Variants in HDAC8 observed in about 807,000 individuals in gnomAD.
HDAC8 encodes the protein histone deacetylase-like 1.
HDAC8 carries 1 observed loss-of-function variant against 32.2 expected under a neutral mutation model. The ratio of observed to expected loss-of-function variants is 0.03; its 90% CI spans 0.01 to 0.15. The LOEUF (loss-of-function observed/expected upper bound fraction) is 0.15. HDAC8 is among the 10% of genes least tolerant of loss of function. HDAC8 has a pLI of 1.00. For missense variants in HDAC8, 117 were observed against 300.0 expected (o/e 0.39, Z 4.51); for synonymous variants, 108 against 113.9 (o/e 0.95, Z 0.33).
chrX:72,383,757 C>A (rs1408473188), intron 9 of HDAC8, among the ~76,000 whole-genome samples: 1 of 107,865 alleles, frequency 9.3e-6, no homozygotes, highest in Non-Finnish European at 1.9e-5. Context: ...GTAGTTCCAG[C>A]TAGTCGGGAG....
At chrX:72,397,879 C>T (rs1294155511) in intron 9 of HDAC8, among the ~76,000 whole-genome samples, 1 of 112,039 alleles carries the variant, frequency 8.9e-6, no homozygotes, top group African/African-American at 3.2e-5. Context: ...CCACAAATAT[C>T]TGTTGTTTCT....
At chrX:72,408,895 G>C in intron 9 of HDAC8, among the ~76,000 whole-genome samples, 1 of 111,622 alleles carries the variant, frequency 9.0e-6, no homozygotes, top group Non-Finnish European at 1.9e-5. Flanking sequence ...CTTAAGCCTG[G>C]TATTGAGGAG....
At chrX:72,363,293 T>A (rs148895632) in intron 9 of HDAC8, among the ~76,000 whole-genome samples, 22 of 112,045 alleles carry the variant, frequency 2.0e-4, no homozygotes, top group Non-Finnish European at 3.6e-4. Context: ...ACACGAAGGT[T>A]TTTTACATCA....
At chrX:72,388,327 T>C (rs1403468454) in intron 9 of HDAC8, among the ~76,000 whole-genome samples, 1 of 109,658 alleles carries the variant, frequency 9.1e-6, no homozygotes, top group Non-Finnish European at 1.9e-5. Context: ...CCAGTCTAGA[T>C]GCGCTGATCC....
chrX:72,357,995 C>T (rs1471517015), intron 9 of HDAC8, among the ~76,000 whole-genome samples: 1 of 110,237 alleles, frequency 9.1e-6, no homozygotes, highest in Non-Finnish European at 1.9e-5. Context: ...ACCTCCACCA[C>T]CCAGGTTCAG....
In HDAC8 at chrX:72,525,675, G is replaced by A. The variant is rs1181933623; in HGVS notation, c.438-30407C>T. ...AAAAATACAAAAAAATTAGCCGGGC[G>A]TTGTGGCGGGCGCCCGTAGTCCCAG... On this transcript the variant is annotated intron_variant, in intron 4 of 10. Coordinates refer to ENST00000373573, the MANE Select transcript of HDAC8 (RefSeq NM_018486.3). 3.7e-5 allele frequency among the ~76,000 whole-genome samples: 4 copies of A among 107,543 alleles called. No individual in the cohort carries two copies. The East Asian group carries it at 8.9e-4, about 24-fold the overall frequency. The allele number at this position is 107,543 out of a possible 115,157, so 93.4% of individuals were successfully genotyped here. A position where few individuals can be genotyped will look rare whatever the true frequency, so the allele number is the denominator to read the frequency against.
chrX:72,443,766 C>A (rs2047264534), intron 9 of HDAC8, among the ~76,000 whole-genome samples: 1 of 107,576 alleles, frequency 9.3e-6, no homozygotes. Context: ...TTGAAAGGAT[C>A]AACAAAATTG....
intron 9 of HDAC8, among the ~76,000 whole-genome samples, chrX:72,352,444 C>T (rs1047206182): frequency 1.8e-5 from 2 of 111,463 alleles, no homozygotes; most frequent in African/African-American, 3.3e-5. Context: ...GATGAGACCT[C>T]CTCTGGGGTC....
chrX:72,440,776 T>C (rs1569298914), intron 9 of HDAC8, among the ~76,000 whole-genome samples: 1 of 111,880 alleles, frequency 8.9e-6, no homozygotes, highest in Non-Finnish European at 1.9e-5. Context: ...TTCCCTTTCC[T>C]ACTCAAAGAA....
At chrX:72,570,254 C>T (rs1288319577) in intron 2 of HDAC8, among the ~76,000 whole-genome samples, 1 of 111,732 alleles carries the variant, frequency 8.9e-6, no homozygotes, top group African/African-American at 3.3e-5. Context: ...CTAAAAGCTC[C>T]CTCTTCTAGT....
Position 72,434,530 on chromosome X carries a change from T to C in HDAC8, c.1005+27474A>G, listed in dbSNP as rs782624145. Among the ~76,000 whole-genome samples the C allele has an allele frequency of 3.2e-4, 36 of 111,438 alleles. 1 individual carries two copies. Among genetic ancestry groups the C allele is most frequent in the Middle Eastern group, 4.6e-3 (1 of 216 alleles). On this transcript the variant is annotated intron_variant, in intron 9 of 10. Transcript: ENST00000373573. ...ATTCATATATGATAATATTTAATTTTGATATTTTTCAATGTTTTGTTCCAT... is the reference window on the plus strand; with the variant it reads ...ATTCATATATGATAATATTTAATTTCGATATTTTTCAATGTTTTGTTCCAT...
chrX:72,500,644 A>G (rs2148161353), intron 4 of HDAC8, among the ~76,000 whole-genome samples: 1 of 112,220 alleles, frequency 8.9e-6, no homozygotes, highest in African/African-American at 3.2e-5. Flanking sequence ...ACAGCCATCT[A>G]TAACAAACCC....
At position 72,471,447 on chromosome X, in the gene HDAC8, A is replaced by G. The variant is rs187745579; in HGVS notation, c.738-6716T>C. Among the ~76,000 whole-genome samples the G allele has an allele frequency of 1.3e-3, 150 of 112,155 alleles. 2 individuals carry two copies. Among genetic ancestry groups the G allele is most frequent in the African/African-American group, 4.4e-3 (135 of 30,912 alleles). On this transcript the variant is annotated intron_variant, in intron 7 of 10. Transcript: ENST00000373573. The stretch of plus-strand genomic sequence containing the variant: ...TCCACAGTGGGCCACACCATTTTAC[A>G]TCCCCATCAGCAATGTATGAAGGTT...
intron 9 of HDAC8, among the ~76,000 whole-genome samples, chrX:72,402,459 T>C (rs1400559239): frequency 3.7e-5 from 4 of 107,957 alleles, no homozygotes; most frequent in Non-Finnish European, 7.7e-5. Flanking sequence ...GTTATCAATT[T>C]GAGATTTTTC....
intron 7 of HDAC8, among the ~76,000 whole-genome samples, chrX:72,465,891 T>C (rs2048004279): frequency 8.9e-6 from 1 of 111,848 alleles, no homozygotes; most frequent in South Asian, 3.8e-4. Context: ...CACAGAGGCA[T>C]TCTTTGACTC....
At chrX:72,466,467 AGGC>A (rs782688331) in intron 7 of HDAC8, among the ~76,000 whole-genome samples, 10 of 112,476 alleles carry the variant, frequency 8.9e-5, no homozygotes, top group Admixed American at 3.8e-4. Flanking sequence ...GATTTTAAAA[AGGC>A]TCTACAGACG....
At chrX:72,441,799 C>T (rs375828505) in intron 9 of HDAC8, among the ~76,000 whole-genome samples, 3 of 111,175 alleles carry the variant, frequency 2.7e-5, no homozygotes, top group African/African-American at 9.8e-5. Flanking sequence ...AAAATTTAGA[C>T]GAATGTATAA....
intron 4 of HDAC8, among the ~76,000 whole-genome samples, chrX:72,506,048 C>T (rs1439254906): frequency 8.9e-6 from 1 of 111,897 alleles, no homozygotes; most frequent in African/African-American, 3.2e-5. Flanking sequence ...TGTCTTGGAG[C>T]TTGCCCTCTT....
At chrX:72,528,980 T>G (rs1024291141) in intron 4 of HDAC8, among the ~76,000 whole-genome samples, 1 of 112,269 alleles carries the variant, frequency 8.9e-6, no homozygotes, top group Non-Finnish European at 1.9e-5. Context: ...CATTCTTTAA[T>G]TATTTACCTG....
Sources: gnomAD v4.1 joint callset for allele counts (sites outside exome capture counted in the v4.1 genomes callset) on GRCh38, gnomAD v4.1.1 for gene constraint, MANE v1.5 for transcripts, NCBI Gene and HGNC (gene_info 2026-07-23, HGNC 2026-07-21) for gene names.